The following LRP1 variants were observed in gnomAD, a reference collection of about 807,000 sequenced individuals.
LRP1 encodes the protein LDL receptor related protein 1.
A neutral mutation model predicts 541.5 loss-of-function variants in LRP1; 51 were observed. The observed-to-expected ratio is 0.09, with a 90% CI of 0.08 to 0.12. The LOEUF is 0.12. Among genes scored for constraint, LRP1 ranks in the 10% least tolerant of loss-of-function variants. The pLI is 1.00. For missense variants in LRP1, 3,878 were observed against 6,376.2 expected, an observed-to-expected ratio of 0.61 and a Z score of 13.34; for synonymous variants, 2,219 against 2,470.8, an observed-to-expected ratio of 0.90 and a Z score of 3.02.
At chr12:57,130,274 G>C (rs1221970420) in intron 1 of LRP1, among the ~76,000 whole-genome samples, 1 of 152,118 alleles carries the variant, frequency 6.6e-6, no homozygotes, top group Non-Finnish European at 1.5e-5. Context: ...GATTGGGAAA[G>C]TTTTTCTCTG....
At chr12:57,207,167 C>T (rs1395253878) in intron 76 of LRP1, among the ~76,000 whole-genome samples, 10 of 151,446 alleles carry the variant, frequency 6.6e-5, no homozygotes, top group East Asian at 1.9e-4. Flanking sequence ...GGCATGAACC[C>T]GGGAGGCGGA....
rs368492987 is a variant in LRP1 at position 57,179,546 on chromosome 12, C to T, written c.4956C>T (p.Val1652=). The stretch of plus-strand genomic sequence containing the variant: ...TCAACGGCACAGGCGTGGAGACAGT[C>T]GTCTCTGCAGGTTCTTCCTGGCCCT... ...AFINGTGVET[V]VSADLPNAHG... The change falls in exon 29 of 89, where the codon GTC becomes GTT. Residue 1652 remains valine, a synonymous_variant. Transcript: ENST00000243077. The surrounding 1 kb of genome is among the most constrained non-coding windows in gnomAD (Gnocchi z 6.8). The T allele has an allele frequency of 2.9e-5, 46 of 1,613,700 alleles. No homozygotes were observed. Among genetic ancestry groups the T allele is most frequent in the Non-Finnish European group, 3.6e-5 (42 of 1,179,842 alleles).
intron 6 of LRP1, chr12:57,149,004 C>A: frequency 1.5e-6 from 1 of 672,790 alleles, no homozygotes; most frequent in Non-Finnish European, 2.7e-6. Flanking sequence ...GAAATCACAA[C>A]AGGAAATGGG....
intron 2 of LRP1, 24 bp downstream of exon 2, chr12:57,138,605 C>T (rs1476615654): frequency 1.2e-6 from 2 of 1,612,708 alleles, no homozygotes; most frequent in African/African-American, 1.3e-5. Context: ...CTGGATTCTT[C>T]TCCCCAAACC....
In LRP1 at chr12:57,197,237, C is replaced by T; in HGVS notation, c.9077-62C>T. ...ACTGCCCGGGTGGCAGAGCTCCAGA[C>T]AGGCAGGAGACCAGGGCCGCTAGAA... On this transcript the variant is annotated intron_variant, in intron 56 of 88. Transcript: ENST00000243077. The surrounding 1 kb of genome is among the most constrained non-coding windows in gnomAD (Gnocchi z 4.5). The T allele has an allele frequency of 1.2e-6, 2 of 1,612,558 alleles. No homozygotes were observed. Among genetic ancestry groups the T allele is most frequent in the Non-Finnish European group, 1.7e-6 (2 of 1,178,600 alleles).
At chr12:57,169,028 G>A in intron 19 of LRP1, 112 bp from the exon 20 acceptor site, 1 of 834,306 alleles carries the variant, frequency 1.2e-6, no homozygotes, top group Non-Finnish European at 1.9e-6. Flanking sequence ...CCCAGTGGGG[G>A]GGTTAGGGTG....
At chr12:57,191,539 C>T (rs2036379245) in intron 44 of LRP1, 27 bp downstream of exon 44, 3 of 1,560,390 alleles carry the variant, frequency 1.9e-6, no homozygotes, top group Non-Finnish European at 2.6e-6. Context: ...CCAGCTGCCT[C>T]ACCCTCCTGC....
intron 6 of LRP1, among the ~76,000 whole-genome samples, chr12:57,150,677 G>A (rs2035509676): frequency 6.6e-6 from 1 of 152,214 alleles, no homozygotes; most frequent in Non-Finnish European, 1.5e-5. Flanking sequence ...GGTTCAGGGA[G>A]GGGAGGACAT....
Position 57,183,852 on chromosome 12 carries a change from G to T in LRP1, c.5872G>T (p.Asp1958Tyr). ...RAKRDQTWRE[D>Y]VVTNGIGRVE... ...CAAGCGGGACCAGACGTGGCGTGAA[G>T]ACGTGGTGACCAATGGCATTGGCCG... Residue 1958 changes from aspartate (D) to tyrosine (Y), a missense_variant, in exon 36 of 89, where the codon GAC (aspartate) becomes TAC (tyrosine). By Grantham distance (160) the Asp-to-Tyr change is radical. Around this residue, in one of 13 missense-constraint regions of LRP1, gnomAD observed 394 missense variants for 635.9 expected, o/e 0.62. Coordinates refer to ENST00000243077, the MANE Select transcript of LRP1 (RefSeq NM_002332.3). This position sits in a 1 kb window ranked among gnomAD's most constrained non-coding sequence, Gnocchi z 6.1. The T allele has an allele frequency of 6.2e-7, 1 of 1,614,208 alleles. No individual in the cohort carries two copies. The highest frequency in any genetic ancestry group is 8.5e-7 in the Non-Finnish European group (1 of 1,180,048).
intron 61 of LRP1, 84 bp from the exon 62 acceptor site, chr12:57,199,793 C>T (rs957779749): frequency 1.0e-5 from 15 of 1,455,534 alleles, no homozygotes; most frequent in East Asian, 2.4e-5. Context: ...CAGACCCACC[C>T]GCCTCTGTCC....
At position 57,201,789 on chromosome 12, in the gene LRP1, C is replaced by G. The variant is rs758551634; in HGVS notation, c.10478C>G (p.Thr3493Ser). ...SDEPANCTQM[T>S]CGVDEFRCKD... ...GCCCACCCGCTTGCAGCCCAGATGA[C>G]CTGTGGTGTGGACGAGTTCCGCTGC... The change falls in exon 67 of 89, where the codon ACC becomes AGC. Residue 3493 changes from threonine to serine, a missense_variant. This residue lies in a region of LRP1 where 278 missense variants were observed against 536.3 expected (regional missense o/e 0.52). Transcript: ENST00000243077. This position sits in a 1 kb window ranked among gnomAD's most constrained non-coding sequence, Gnocchi z 6.4. The G allele has an allele frequency of 2.5e-6, 4 of 1,614,082 alleles. No homozygotes were observed. The Admixed American group carries it at 5.0e-5, about 20-fold the overall frequency.
rs1216002639 is a variant in LRP1 at position 57,162,690 on chromosome 12, T to G, written c.2405-168T>G. On this transcript the variant is annotated intron_variant, in intron 14 of 88. Coordinates refer to ENST00000243077, the MANE Select transcript of LRP1 (RefSeq NM_002332.3). The surrounding 1 kb of genome is among the most constrained non-coding windows in gnomAD (Gnocchi z 5.2). ...CACAATCTGATTCTCTGTTCCCCAT[T>G]TCCCTTCCTGCCCCATGTCTGTGTC... 6.6e-6 allele frequency among the ~76,000 whole-genome samples: 1 copy of G among 152,082 alleles called. No homozygotes were observed. Among genetic ancestry groups the G allele is most frequent in the Non-Finnish European group, 1.5e-5 (1 of 68,008 alleles).
intron 6 of LRP1, chr12:57,149,775 C>T: frequency 1.4e-6 from 1 of 710,048 alleles, no homozygotes; most frequent in Non-Finnish European, 2.6e-6. Context: ...CGGGACCCAG[C>T]AGGAAACAAG....
intron 8 of LRP1, chr12:57,155,223 T>A (rs955439101): frequency 4.7e-6 from 1 of 212,518 alleles, no homozygotes; most frequent in African/African-American, 2.3e-5. Flanking sequence ...TTAGGCAAAC[T>A]AGGACAGTTG....
At chr12:57,146,157 C>T (rs1019837764) in intron 6 of LRP1, among the ~76,000 whole-genome samples, 2 of 152,152 alleles carry the variant, frequency 1.3e-5, no homozygotes, top group Non-Finnish European at 2.9e-5. Context: ...ACGAGCATAG[C>T]TGGGTGTAGA....
rs2036219240 is a variant in LRP1 at position 57,183,988 on chromosome 12, G to A, written c.5929+79G>A. ...GAAGTGAGAGGAGGAGTTGGCGGGA[G>A]CAGGAAGAGGAGCTGTAGGGGTGCC... On this transcript the variant is annotated intron_variant, in intron 36 of 88. Coordinates refer to ENST00000243077, the MANE Select transcript of LRP1 (RefSeq NM_002332.3). The surrounding 1 kb of genome is among the most constrained non-coding windows in gnomAD (Gnocchi z 6.1). The A allele has an allele frequency of 6.2e-7, 1 of 1,605,510 alleles. No homozygotes were observed. The highest frequency in any genetic ancestry group is 8.5e-7 in the Non-Finnish European group (1 of 1,174,704).
At chr12:57,200,194 C>A in intron 62 of LRP1, 169 bp downstream of exon 62, 1 of 650,828 alleles carries the variant, frequency 1.5e-6, no homozygotes, top group Non-Finnish European at 2.7e-6. Flanking sequence ...ATACTTTTAC[C>A]CCCGTCACCT....
At position 57,173,088 on chromosome 12, in the gene LRP1, CG is replaced by C; in HGVS notation, c.3164-76del. 1 of 1,244,160 alleles carries C rather than the reference CG, an allele frequency of 8.0e-7. No individual in the cohort carries two copies. 77.1% of individuals were successfully genotyped at this position (1,244,160 alleles called of 1,614,324 possible). On this transcript the variant is annotated intron_variant, in intron 20 of 88. Coordinates refer to ENST00000243077, the MANE Select transcript of LRP1 (RefSeq NM_002332.3). This position sits in a 1 kb window ranked among gnomAD's most constrained non-coding sequence, Gnocchi z 4.7. Reference sequence around the variant, plus strand: ...GCTCATATCCCCAGGCTGGGCTTACCGGGGTGGCAGGGCACAGGGATGAGGA... The same window carrying C: ...GCTCATATCCCCAGGCTGGGCTTACCGGGTGGCAGGGCACAGGGATGAGGA...
intron 15 of LRP1, among the ~76,000 whole-genome samples, chr12:57,163,776 T>C (rs952754529): frequency 7.2e-5 from 11 of 152,222 alleles, no homozygotes. Context: ...AAATGTCTTC[T>C]GCCCTTTTCG....
Sources: gnomAD v4.1 joint callset for allele counts (sites outside exome capture counted in the v4.1 genomes callset) on GRCh38, gnomAD v4.1.1 for gene constraint, gnomAD v4.1.1 regional missense constraint, Gnocchi (gnomAD v3.1) non-coding constraint, MANE v1.5 for transcripts, NCBI Gene and HGNC (gene_info 2026-07-23, HGNC 2026-07-21) for gene names.